Variants in LOC400499 observed in about 807,000 individuals in gnomAD.
chr16:11,384,109 G>GA, the LOC400499 span: 2 of 1,224,864 alleles, frequency 1.6e-6, no homozygotes, highest in Non-Finnish European at 2.0e-6. Context: ...CTGGGCCTAC[G>GA]AAGTCCTCTG....
At chr16:11,419,672 A>G in the LOC400499 span, among the ~76,000 whole-genome samples, 18 of 152,194 alleles carry the variant, frequency 1.2e-4, no homozygotes, top group African/African-American at 3.6e-4. Context: ...GCAACCTCCA[A>G]AATGGGAGAA....
chr16:11,474,711 A>G, the LOC400499 span, among the ~76,000 whole-genome samples: 1 of 151,854 alleles, frequency 6.6e-6, no homozygotes, highest in Non-Finnish European at 1.5e-5. Context: ...TACAAAAAAA[A>G]AAAAAAAATT....
the LOC400499 span, chr16:11,402,146 T>C: frequency 2.5e-4 from 99 of 398,618 alleles, no homozygotes; most frequent in African/African-American, 1.9e-3. Flanking sequence ...GGGCAGCGGG[T>C]GGGTGAGCTC....
chr16:11,414,289 T>C, the LOC400499 span: 1 of 399,248 alleles, frequency 2.5e-6, no homozygotes, highest in African/African-American at 2.1e-5. Flanking sequence ...ACACCAGGAA[T>C]TGGACAGAGA....
At chr16:11,504,190 T>A in the LOC400499 span, among the ~76,000 whole-genome samples, 9 of 152,160 alleles carry the variant, frequency 5.9e-5, no homozygotes, top group East Asian at 1.7e-3. Context: ...AAGAACAAAT[T>A]CAAAAGGAGA....
the LOC400499 span, chr16:11,522,033 G>A: frequency 2.8e-5 from 11 of 399,274 alleles, no homozygotes; most frequent in East Asian, 3.6e-5. Flanking sequence ...CCACCAGGAC[G>A]TCCTGCAGGC....
At chr16:11,450,074 G>T in the LOC400499 span, among the ~76,000 whole-genome samples, 1 of 152,062 alleles carries the variant, frequency 6.6e-6, no homozygotes, top group Non-Finnish European at 1.5e-5. Context: ...CCTCAGAGGG[G>T]ACTGTGCTGC....
At chr16:11,413,983 G>A in the LOC400499 span, among the ~76,000 whole-genome samples, 7 of 152,172 alleles carry the variant, frequency 4.6e-5, no homozygotes, top group Non-Finnish European at 8.8e-5. Flanking sequence ...TGGAGCCTGA[G>A]GAGGATGAGA....
the LOC400499 span, among the ~76,000 whole-genome samples, chr16:11,482,632 T>C: frequency 1.3e-5 from 2 of 152,146 alleles, no homozygotes; most frequent in South Asian, 4.1e-4. Context: ...GGGTCACACC[T>C]GTAATCCCAG....
chr16:11,444,084 A>G, the LOC400499 span, among the ~76,000 whole-genome samples: 2 of 151,728 alleles, frequency 1.3e-5, no homozygotes, highest in African/African-American at 4.8e-5. Context: ...CAAGTGATCC[A>G]CCCACCCTGG....
the LOC400499 span, chr16:11,411,173 G>A: frequency 7.0e-5 from 28 of 398,932 alleles, no homozygotes; most frequent in Non-Finnish European, 1.2e-4. Context: ...CTCCCCAGAG[G>A]GGCCTGGCCC....
chr16:11,459,188 ATTTTTT>A, the LOC400499 span, among the ~76,000 whole-genome samples: 29 of 119,890 alleles, frequency 2.4e-4, no homozygotes, highest in East Asian at 5.8e-3. Context: ...TCCTAAACCA[ATTTTTT>A]TTTTTTTTTT....
the LOC400499 span, among the ~76,000 whole-genome samples, chr16:11,426,392 G>C: frequency 2.6e-5 from 4 of 152,106 alleles, no homozygotes; most frequent in Non-Finnish European, 4.4e-5. Context: ...GCAATGAGCA[G>C]AGATTGCACC....
the LOC400499 span, among the ~76,000 whole-genome samples, chr16:11,512,378 CAG>C: frequency 1.3e-5 from 2 of 152,086 alleles, no homozygotes; most frequent in African/African-American, 4.8e-5. Context: ...GCAGGCAGAT[CAG>C]ACACCTGAGG....
At chr16:11,455,883 G>A in the LOC400499 span, among the ~76,000 whole-genome samples, 9 of 151,508 alleles carry the variant, frequency 5.9e-5, no homozygotes, top group South Asian at 2.1e-4. Context: ...TTTAGAAAAC[G>A]TAGTTCAGGT....
the LOC400499 span, chr16:11,399,931 G>T: frequency 2.5e-6 from 1 of 397,764 alleles, no homozygotes; most frequent in African/African-American, 2.1e-5. Context: ...GGAGGATGGA[G>T]AAGCTGGTGC....
At chr16:11,417,739 T>C in the LOC400499 span, 2,406 of 399,082 alleles carry the variant, frequency 6.0e-3, 64 homozygotes, top group African/African-American at 0.045. Flanking sequence ...GTGCCCATCA[T>C]GGTAATAGCA....
At chr16:11,411,273 G>A in the LOC400499 span, 4 of 399,232 alleles carry the variant, frequency 1.0e-5, no homozygotes, top group Admixed American at 4.4e-5. Flanking sequence ...CTGAGCTGGG[G>A]CAGAGACCCA....
the LOC400499 span, among the ~76,000 whole-genome samples, chr16:11,487,579 C>A: frequency 2.6e-5 from 4 of 152,262 alleles, no homozygotes; most frequent in East Asian, 1.9e-4. Flanking sequence ...TCACACACAC[C>A]CACTTCTGCT....
Sources: allele counts gnomAD v4.1 joint callset (sites outside exome capture counted in the v4.1 genomes callset), GRCh38; gene constraint gnomAD v4.1.1; transcripts MANE v1.5.